GCC2: variants seen among roughly 807,000 people sequenced by gnomAD.
The protein encoded by GCC2 is GRIP and coiled-coil domain containing 2, also known as GRIP and coiled-coil domain-containing protein 2.
GCC2 carries 120 observed loss-of-function variants against 210.6 expected under a neutral mutation model. That is an observed-to-expected ratio of 0.57 (90% CI 0.49 to 0.66). The LOEUF is 0.66. Ranked by LOEUF, GCC2 falls within the 30% of genes least tolerant of loss-of-function variation. The pLI, the probability that GCC2 is intolerant of heterozygous loss-of-function variation, is 0.00. For synonymous variants in GCC2, 703 were observed against 652.7 expected (o/e 1.08, Z -1.17); for missense variants, 1,868 against 1,871.9 (o/e 1.00, Z 0.04).
chr2:108,450,931 G>A, intron 2 of GCC2, 97 bp from the exon 3 acceptor site: 1 of 765,686 alleles, frequency 1.3e-6, no homozygotes, highest in Non-Finnish European at 2.2e-6. Context: ...GATTTATTCT[G>A]TAGAATGTTT....
At chr2:108,483,484 C>A (rs141638240) in intron 12 of GCC2, among the ~76,000 whole-genome samples, 3,812 of 152,244 alleles carry the variant, frequency 0.025, 67 homozygotes, top group African/African-American at 0.033. Flanking sequence ...CTCAGCCTCC[C>A]AAAGTGCTAG....
At chr2:108,481,592 T>C (rs983042285) in intron 9 of GCC2, 105 bp from the exon 10 acceptor site, 4 of 740,096 alleles carry the variant, frequency 5.4e-6, no homozygotes, top group Non-Finnish European at 8.7e-6. Context: ...GTAAATATTT[T>C]AAGCATCCAG....
chr2:108,487,278 T>G (rs1402087925), intron 16 of GCC2, among the ~76,000 whole-genome samples: 1 of 152,184 alleles, frequency 6.6e-6, no homozygotes, highest in Non-Finnish European at 1.5e-5. Context: ...AAATGTATGG[T>G]TAGTAAATTA....
At chr2:108,503,940 G>A (rs1319702385) in intron 22 of GCC2, among the ~76,000 whole-genome samples, 4 of 152,074 alleles carry the variant, frequency 2.6e-5, no homozygotes, top group Admixed American at 6.6e-5. Flanking sequence ...GAGACCCTAT[G>A]TCTGCAAAAA....
In GCC2 at chr2:108,469,777, G is replaced by A; in HGVS notation, c.448G>A (p.Ala150Thr). 1 of 1,613,856 alleles carries A rather than the reference G, an allele frequency of 6.2e-7. No homozygotes were observed. Among genetic ancestry groups the A allele is most frequent in the Non-Finnish European group, 8.5e-7 (1 of 1,179,832 alleles). Residue 150 changes from alanine to threonine, a missense_variant, in exon 6 of 23, where the codon GCT (alanine) becomes ACT (threonine). Around this residue, in one of 3 missense-constraint regions of GCC2, gnomAD observed 1,847 missense variants for 1,765.2 expected, o/e 1.05. Coordinates refer to ENST00000309863, the MANE Select transcript of GCC2 (RefSeq NM_181453.4). Reference protein sequence around the residue: ...AVRSKYSEDKANLQKQLEEAM... With the variant: ...AVRSKYSEDKTNLQKQLEEAM... The stretch of plus-strand genomic sequence containing the variant: ...ACGTTCCAAATACAGTGAAGACAAA[G>A]CTAACTTACAAAAGCAGCTGGAAGA...
In GCC2 at chr2:108,471,992, CAT is replaced by C. The variant is rs1182556330; in HGVS notation, c.2664_2665del (p.Cys889Ter). The C allele has an allele frequency of 5.0e-6, 8 of 1,602,358 alleles. No homozygotes were observed. The highest frequency in any genetic ancestry group is 1.4e-5 in the African/African-American group (1 of 74,038). ...ATTCAAGTTGAAGAAGTATCTCAAA[CAT>C]GTAGCAAAAGTGAAATCCATAATGA... is the stretch of plus-strand genomic sequence containing the variant. On this transcript the variant is annotated frameshift_variant, in exon 6 of 23. Coordinates refer to ENST00000309863, the MANE Select transcript of GCC2 (RefSeq NM_181453.4). LOFTEE classifies it high-confidence loss of function.
intron 19 of GCC2, chr2:108,493,692 C>T (rs1174060805): frequency 4.1e-6 from 4 of 985,224 alleles, no homozygotes; most frequent in Admixed American, 1.2e-4. Flanking sequence ...TTTGGTTTCC[C>T]ATGGGAAATA....
At chr2:108,505,529 G>T (rs1683138868) in intron 22 of GCC2, among the ~76,000 whole-genome samples, 2 of 152,090 alleles carry the variant, frequency 1.3e-5, no homozygotes, top group Non-Finnish European at 2.9e-5. Flanking sequence ...AGAGATTGTG[G>T]CTTCTATCTT....
Position 108,471,054 on chromosome 2 carries a change from C to T in GCC2, c.1725C>T (p.Leu575=). The change falls in exon 6 of 23, where the codon CTC becomes CTT. Residue 575 remains leucine (L), a synonymous_variant. Coordinates refer to ENST00000309863, the MANE Select transcript of GCC2 (RefSeq NM_181453.4). ...AGAATGGAGTATACTTACTTAGTCT[C>T]AGTCAAAGAGATACCATGTTAAAAG... is the stretch of plus-strand genomic sequence containing the variant. The part of the protein sequence containing the change: ...QEKNGVYLLS[L]SQRDTMLKEL... 1.9e-6 allele frequency: 3 copies of T among 1,592,564 alleles called. No individual in the cohort carries two copies. Among genetic ancestry groups the T allele is most frequent in the Middle Eastern group, 1.7e-4 (1 of 6,008 alleles).
At position 108,483,127 on chromosome 2, in the gene GCC2, G is replaced by A; in HGVS notation, c.3411G>A (p.Gln1137=). The A allele has an allele frequency of 2.5e-6, 4 of 1,578,062 alleles. No homozygotes were observed. In the East Asian group the frequency reaches 8.9e-5, roughly 35 times the overall value. The part of the protein sequence containing the change: ...LQVQLQKQKK[Q]LQKTMQELEL... ...TACAACTTCAAAAGCAAAAGAAACA[G>A]CTTCAGAAAACCATGCAAGAATTAG... Residue 1137 remains glutamine (Q), a synonymous_variant, in exon 12 of 23, where the codon CAG becomes CAA. Coordinates refer to ENST00000309863, the MANE Select transcript of GCC2 (RefSeq NM_181453.4).
intron 3 of GCC2, among the ~76,000 whole-genome samples, chr2:108,451,886 C>T (rs1428995459): frequency 6.8e-6 from 1 of 147,314 alleles, no homozygotes; most frequent in Non-Finnish European, 1.5e-5. Context: ...TCTTCTTGGC[C>T]AGGCTGGAGT....
At chr2:108,498,287 C>T (rs1682749961) in intron 21 of GCC2, among the ~76,000 whole-genome samples, 1 of 147,422 alleles carries the variant, frequency 6.8e-6, no homozygotes. Context: ...TCTCCGCCTC[C>T]CAGGTTCAAG....
At chr2:108,493,242 A>C in intron 19 of GCC2, 1 of 346,080 alleles carries the variant, frequency 2.9e-6, no homozygotes, top group Non-Finnish European at 4.3e-6. Flanking sequence ...GGTGCCTGCC[A>C]CCAGGCCGGC....
At chr2:108,472,668 C>G (rs1255393801) in intron 6 of GCC2, among the ~76,000 whole-genome samples, 159 bp from the exon 7 acceptor site, 2 of 150,936 alleles carry the variant, frequency 1.3e-5, no homozygotes, top group Non-Finnish European at 3.0e-5. Context: ...ATTTTCTGGT[C>G]TAACAAGGGA....
chr2:108,498,297 G>A (rs1220705232), intron 21 of GCC2, among the ~76,000 whole-genome samples: 2 of 134,860 alleles, frequency 1.5e-5, no homozygotes, highest in Admixed American at 8.2e-5. Context: ...CCAGGTTCAA[G>A]CGATTCCCCT....
At chr2:108,488,912 G>A (rs1682272970) in intron 17 of GCC2, among the ~76,000 whole-genome samples, 1 of 152,094 alleles carries the variant, frequency 6.6e-6, no homozygotes, top group African/African-American at 2.4e-5. Context: ...ATATAAAGGG[G>A]AAATTAGATA....
In GCC2 at chr2:108,491,111, G is replaced by T. The variant is rs544605151; in HGVS notation, c.4229+1097G>T. 6.6e-5 allele frequency among the ~76,000 whole-genome samples: 10 copies of T among 152,286 alleles called. No individual in the cohort carries two copies. The South Asian group carries it at 1.4e-3, about 22-fold the overall frequency. On this transcript the variant is annotated intron_variant, in intron 18 of 22. Transcript: ENST00000309863. ...TCATACTTTATCTATAGCAGATTGT[G>T]AAAATGGTTCCAGAGGAATGTGATA...
intron 9 of GCC2, among the ~76,000 whole-genome samples, chr2:108,476,165 T>A (rs1415966233): frequency 6.7e-6 from 1 of 148,558 alleles, no homozygotes; most frequent in African/African-American, 2.5e-5. Flanking sequence ...GTTCCAGCAA[T>A]TCTCCTGCCA....
chr2:108,450,434 C>G (rs1330888859), intron 2 of GCC2, among the ~76,000 whole-genome samples: 1 of 152,216 alleles, frequency 6.6e-6, no homozygotes, highest in Non-Finnish European at 1.5e-5. Flanking sequence ...TAGCTCCAAC[C>G]TACTGATTTT....
Sources: gnomAD v4.1 joint callset for allele counts (sites outside exome capture counted in the v4.1 genomes callset) on GRCh38, gnomAD v4.1.1 for gene constraint, gnomAD v4.1.1 regional missense constraint, MANE v1.5 for transcripts, NCBI Gene and HGNC (gene_info 2026-07-23, HGNC 2026-07-21) for gene names.